TBC1D31: variants seen among roughly 807,000 people sequenced by gnomAD.
TBC1D31 encodes WD repeat domain 67.
A neutral mutation model predicts 132.9 loss-of-function variants in TBC1D31; 99 were observed. The observed-to-expected ratio is 0.74, with a 90% confidence interval of 0.63 to 0.88. TBC1D31 has a LOEUF of 0.88. Ranked by LOEUF, TBC1D31 falls within the 40% of genes least tolerant of loss-of-function variation. The pLI is 0.00. For missense variants in TBC1D31, 1,134 were observed against 1,256.6 expected (o/e 0.90, Z 1.48); for synonymous variants, 385 against 419.4 (o/e 0.92, Z 1.00).
At chr8:123,127,986 A>G (rs1237818625) in intron 13 of TBC1D31, 1 of 203,588 alleles carries the variant, frequency 4.9e-6, no homozygotes, top group African/African-American at 2.3e-5. Context: ...TTGGATTTTG[A>G]AGAAAAAAAA....
intron 17 of TBC1D31, 54 bp from the exon 18 acceptor site, chr8:123,140,707 T>C: frequency 6.9e-7 from 1 of 1,441,532 alleles, no homozygotes; most frequent in Non-Finnish European, 9.5e-7. Flanking sequence ...AAGTCATTTT[T>C]GTATTCTAGC....
At chr8:123,100,706 A>G in intron 6 of TBC1D31, 101 bp from the exon 7 acceptor site, 1 of 761,358 alleles carries the variant, frequency 1.3e-6, no homozygotes, top group East Asian at 2.6e-5. Context: ...ACACACACAT[A>G]CATACACAAA....
At position 123,144,875 on chromosome 8, in the gene TBC1D31, T is replaced by C. The variant is rs1822040121; in HGVS notation, c.2974+20T>C. 12 of 1,596,572 alleles carry C rather than the reference T, an allele frequency of 7.5e-6. No homozygotes were observed. The highest frequency in any genetic ancestry group is 9.4e-6 in the Non-Finnish European group (11 of 1,174,646). ...ATAAAGGTGAGTGTCTGAGAGGCCT[T>C]TCTCTCCATGATGTTACAGATTTAT... On this transcript the variant is annotated intron_variant, in intron 20 of 21. Coordinates refer to ENST00000287380, the MANE Select transcript of TBC1D31 (RefSeq NM_145647.4).
intron 4 of TBC1D31, among the ~76,000 whole-genome samples, chr8:123,085,738 C>T (rs1815671061): frequency 6.6e-6 from 1 of 152,158 alleles, no homozygotes. Context: ...TGAGATCCAT[C>T]CATATTATAT....
chr8:123,082,906 G>GCT, intron 3 of TBC1D31, 89 bp downstream of exon 3: 1 of 871,590 alleles, frequency 1.1e-6, no homozygotes, highest in Non-Finnish European at 1.8e-6. Context: ...CAGCTTGAGG[G>GCT]GGCAGTCCCC....
intron 11 of TBC1D31, among the ~76,000 whole-genome samples, chr8:123,123,841 G>C (rs976664346): frequency 6.6e-6 from 1 of 152,086 alleles, no homozygotes; most frequent in Non-Finnish European, 1.5e-5. Flanking sequence ...ACACCCTATC[G>C]AATGTCTTTG....
At chr8:123,147,317 C>A (rs773760361) in intron 20 of TBC1D31, among the ~76,000 whole-genome samples, 1 of 152,066 alleles carries the variant, frequency 6.6e-6, no homozygotes, top group East Asian at 1.9e-4. Flanking sequence ...GGACAACAGG[C>A]GCCCACCACC....
Position 123,077,259 on chromosome 8 carries a change from TA to T in TBC1D31, c.224+4del. ...TGTTTTTGACTTACATGGAAACAGG[TA>T]AGCAGATACCATTGATATCTACGTT... is the stretch of plus-strand genomic sequence containing the variant. On this transcript the variant is annotated splice_donor_region_variant and intron_variant, in intron 2 of 21. Coordinates refer to ENST00000287380, the MANE Select transcript of TBC1D31 (RefSeq NM_145647.4). 1 of 1,607,048 alleles carries T rather than the reference TA, an allele frequency of 6.2e-7. No homozygotes were observed. The highest frequency in any genetic ancestry group is 8.5e-7 in the Non-Finnish European group (1 of 1,177,940).
At chr8:123,094,204 A>G (rs1189970360) in intron 5 of TBC1D31, among the ~76,000 whole-genome samples, 2 of 152,062 alleles carry the variant, frequency 1.3e-5, no homozygotes, top group East Asian at 3.9e-4. Context: ...AGCTGGGATT[A>G]TAGGCACGTG....
At position 123,130,327 on chromosome 8, in the gene TBC1D31, G is replaced by T. The variant is rs149139390; in HGVS notation, c.2400G>T (p.Gly800=). The change falls in exon 16 of 22, where the codon GGG becomes GGT. Residue 800 remains glycine (G), a synonymous_variant. Transcript: ENST00000287380. ...MELRRLDDEI[G]RKVYMRDREI... is the part of the protein sequence containing the mutation. ...TAAGAAGACTGGATGATGAAATTGGGAGAAAGGTTTATTATTCTTAACTTA... is the reference window on the plus strand; with the variant it reads ...TAAGAAGACTGGATGATGAAATTGGTAGAAAGGTTTATTATTCTTAACTTA... The T allele has an allele frequency of 7.2e-4, 1,167 of 1,609,662 alleles. No individual in the cohort carries two copies. The highest frequency in any genetic ancestry group is 8.4e-4 in the Non-Finnish European group (993 of 1,178,032).
chr8:123,100,499 C>G (rs1166525612), intron 6 of TBC1D31, among the ~76,000 whole-genome samples: 5 of 151,898 alleles, frequency 3.3e-5, no homozygotes, highest in Admixed American at 2.0e-4. Context: ...TTGCTTGAAC[C>G]CAGGGGGCGG....
intron 16 of TBC1D31, among the ~76,000 whole-genome samples, chr8:123,131,133 G>T (rs1391991501): frequency 6.6e-6 from 1 of 151,606 alleles, no homozygotes; most frequent in African/African-American, 2.4e-5. Flanking sequence ...GGAGGCCGAG[G>T]CAGGCAGATC....
the TBC1D31 span, among the ~76,000 whole-genome samples, chr8:123,164,798 A>G: frequency 6.6e-6 from 1 of 152,154 alleles, no homozygotes; most frequent in East Asian, 1.9e-4. Context: ...CACTCCTAAT[A>G]CTGTTCCCCT....
In TBC1D31 at chr8:123,150,114, A is replaced by T; in HGVS notation, c.3053A>T (p.Asp1018Val). 2 of 1,612,936 alleles carry T rather than the reference A, an allele frequency of 1.2e-6. No individual in the cohort carries two copies. Among genetic ancestry groups the T allele is most frequent in the Non-Finnish European group, 1.7e-6 (2 of 1,178,916 alleles). The part of the protein sequence containing the change: ...TSQLNDSSEM[D>V]PSTQISLNRR... ...CAATTAAATGACTCTTCTGAAATGGATCCCTCAACACAGAGTAAGTTGATA... is the reference window on the plus strand; with the variant it reads ...CAATTAAATGACTCTTCTGAAATGGTTCCCTCAACACAGAGTAAGTTGATA... Residue 1018 changes from aspartate (D) to valine (V), a missense_variant, in exon 21 of 22, where the codon GAT becomes GTT. Physicochemically the swap from Asp to Val is radical, Grantham distance 152. Transcript: ENST00000287380.
the TBC1D31 span, among the ~76,000 whole-genome samples, chr8:123,159,107 C>T: frequency 6.6e-6 from 1 of 151,896 alleles, no homozygotes; most frequent in Non-Finnish European, 1.5e-5. Flanking sequence ...TCTGCAGGCC[C>T]GAGGAGATGC....
chr8:123,075,804 T>C (rs920998796), intron 1 of TBC1D31, among the ~76,000 whole-genome samples: 19 of 152,208 alleles, frequency 1.2e-4, no homozygotes, highest in African/African-American at 4.6e-4. Flanking sequence ...GGGATTATTC[T>C]GATCTTTGTG....
At chr8:123,087,707 A>G (rs1453854636) in intron 4 of TBC1D31, among the ~76,000 whole-genome samples, 2 of 152,372 alleles carry the variant, frequency 1.3e-5, no homozygotes, top group South Asian at 2.1e-4. Context: ...TATACGCTGA[A>G]TAGTTGCCAA....
chr8:123,163,060 C>T, the TBC1D31 span, among the ~76,000 whole-genome samples: 6 of 152,178 alleles, frequency 3.9e-5, no homozygotes, highest in East Asian at 9.7e-4. Context: ...CTCCTGATCT[C>T]GTGATCTGCC....
rs1323471326 is a variant in TBC1D31, at chr8:123,128,257, T to C, written c.1885-24T>C. 4 of 1,329,978 alleles carry C rather than the reference T, an allele frequency of 3.0e-6. No homozygotes were observed. In the Admixed American group the frequency reaches 7.1e-5, roughly 24 times the overall value. 82.4% of individuals were successfully genotyped at this position (1,329,978 alleles called of 1,614,324 possible). On this transcript the variant is annotated intron_variant, in intron 13 of 21. Transcript: ENST00000287380. The stretch of plus-strand genomic sequence containing the variant: ...AATTGCTTTGTCAGGTAAATCTCGA[T>C]TTAAACACCAAGTTTTCTTACAGTT...
Sources: allele counts gnomAD v4.1 joint callset (sites outside exome capture counted in the v4.1 genomes callset), GRCh38; gene constraint gnomAD v4.1.1; transcripts MANE v1.5; gene names NCBI Gene and HGNC (gene_info 2026-07-23, HGNC 2026-07-21).